NYAP2: variants seen among roughly 807,000 people sequenced by gnomAD.
NYAP2 encodes neuronal tyrosine-phosphorylated phosphoinositide-3-kinase adaptor 2.
In NYAP2, 23 loss-of-function variants were observed where a neutral mutation model predicts 50.4. That is an observed-to-expected ratio of 0.46 (90% CI 0.33 to 0.65). The LOEUF is 0.65. NYAP2 is among the 30% of genes least tolerant of loss of function. NYAP2 has a pLI of 0.02. For missense variants in NYAP2, 885 were observed against 861.0 expected, an observed-to-expected ratio of 1.03 and a Z score of -0.35; for synonymous variants, 394 against 365.2, an observed-to-expected ratio of 1.08 and a Z score of -0.90.
At chr2:225,622,397 C>T (rs774319921) in intron 5 of NYAP2, among the ~76,000 whole-genome samples, 2 of 152,156 alleles carry the variant, frequency 1.3e-5, no homozygotes, top group Non-Finnish European at 2.9e-5. Flanking sequence ...TCCAAATGCC[C>T]TCTTCCTGCC....
In NYAP2 at chr2:225,599,297, A is replaced by G. The variant is rs116370088; in HGVS notation, c.1618+16262A>G. Among the ~76,000 whole-genome samples, 1,016 of 152,340 alleles carry G rather than the reference A, an allele frequency of 6.7e-3. 15 individuals carry two copies. The highest frequency in any genetic ancestry group is 0.023 in the African/African-American group (965 of 41,580). ...CCTAAAAAGCACTCACTTGCATTCAAATATATTCCATGAAAAAAATTATAT... is the reference window on the plus strand; with the variant it reads ...CCTAAAAAGCACTCACTTGCATTCAGATATATTCCATGAAAAAAATTATAT... On this transcript the variant is annotated intron_variant, in intron 5 of 6. Coordinates refer to ENST00000636099, the Ensembl canonical transcript of NYAP2.
intron 4 of NYAP2, among the ~76,000 whole-genome samples, chr2:225,519,462 C>G (rs561800462): frequency 2.6e-3 from 378 of 142,738 alleles, no homozygotes; most frequent in Middle Eastern, 0.014. Context: ...TGATGTTCCC[C>G]TTCCTGTGTC....
intron 3 of NYAP2, among the ~76,000 whole-genome samples, chr2:225,487,931 G>C (rs1461303802): frequency 6.6e-6 from 1 of 152,180 alleles, no homozygotes. Flanking sequence ...TGGCACATCT[G>C]TTTATGGCAT....
intron 4 of NYAP2, 149 bp from the exon 5 acceptor site, chr2:225,581,790 CTT>C (rs1396884594): frequency 2.8e-6 from 2 of 716,980 alleles, no homozygotes; most frequent in Admixed American, 2.8e-5. Context: ...ATGCTTGACT[CTT>C]TGGTTGATTT....
intron 3 of NYAP2, among the ~76,000 whole-genome samples, chr2:225,489,926 G>A (rs931058574): frequency 6.6e-6 from 1 of 152,190 alleles, no homozygotes; most frequent in Non-Finnish European, 1.5e-5. Flanking sequence ...TTTGAGAACT[G>A]CTGAGTTACA....
chr2:225,412,565 A>G (rs980742777), intron 3 of NYAP2, among the ~76,000 whole-genome samples: 1 of 152,020 alleles, frequency 6.6e-6, no homozygotes, highest in Non-Finnish European at 1.5e-5. Context: ...CTGGTTCTCT[A>G]AAGTCAATAC....
intron 5 of NYAP2, among the ~76,000 whole-genome samples, chr2:225,615,471 T>A (rs1176099377): frequency 2.0e-5 from 3 of 152,190 alleles, no homozygotes; most frequent in African/African-American, 4.8e-5. Flanking sequence ...GGATATTTGG[T>A]GGAGAGCTTT....
intron 2 of NYAP2, among the ~76,000 whole-genome samples, chr2:225,408,594 A>G (rs374312164): frequency 2.0e-4 from 31 of 152,214 alleles, no homozygotes; most frequent in African/African-American, 7.2e-4. Flanking sequence ...TTAACTTTGC[A>G]TACAGTATTT....
intron 4 of NYAP2, among the ~76,000 whole-genome samples, chr2:225,580,010 A>C (rs1692244322): frequency 6.6e-6 from 1 of 152,224 alleles, no homozygotes; most frequent in African/African-American, 2.4e-5. Flanking sequence ...CTCTCTCTTC[A>C]GTCCTCTGCC....
chr2:225,595,476 CA>C (rs1473689062), intron 5 of NYAP2, among the ~76,000 whole-genome samples: 1 of 152,188 alleles, frequency 6.6e-6, no homozygotes, highest in African/African-American at 2.4e-5. Flanking sequence ...TCTATATCTA[CA>C]AACAACTTTC....
chr2:225,537,100 T>A (rs765779617), intron 4 of NYAP2, among the ~76,000 whole-genome samples: 10 of 152,066 alleles, frequency 6.6e-5, no homozygotes, highest in Non-Finnish European at 1.5e-4. Context: ...TCTAACTGTA[T>A]TTTTGTACCC....
At chr2:225,442,801 C>T (rs577779672) in intron 3 of NYAP2, among the ~76,000 whole-genome samples, 1 of 152,280 alleles carries the variant, frequency 6.6e-6, no homozygotes, top group East Asian at 1.9e-4. Context: ...GTCTCGAACT[C>T]CTGATCTCAG....
chr2:225,641,230 A>C (rs1006590658), intron 6 of NYAP2, among the ~76,000 whole-genome samples: 5 of 152,158 alleles, frequency 3.3e-5, no homozygotes, highest in Non-Finnish European at 4.4e-5. Context: ...CTGCACCAAC[A>C]GTGTTCACGA....
intron 3 of NYAP2, among the ~76,000 whole-genome samples, chr2:225,475,720 G>C (rs1690092466): frequency 6.6e-6 from 1 of 152,088 alleles, no homozygotes; most frequent in Admixed American, 6.5e-5. Flanking sequence ...TCAATATTTT[G>C]TTTATAATTC....
intron 3 of NYAP2, among the ~76,000 whole-genome samples, chr2:225,428,131 G>A (rs759511386): frequency 1.3e-5 from 2 of 152,150 alleles, no homozygotes; most frequent in African/African-American, 4.8e-5. Context: ...GAGAGAGTAG[G>A]TCCCTGGGCT....
chr2:225,638,966 T>G (rs1409348250), intron 6 of NYAP2, among the ~76,000 whole-genome samples: 1 of 152,114 alleles, frequency 6.6e-6, no homozygotes, highest in African/African-American at 2.4e-5. Flanking sequence ...ATAATATTCA[T>G]AGTTTTGATT....
At chr2:225,533,073 T>C (rs139283439) in intron 4 of NYAP2, among the ~76,000 whole-genome samples, 86 of 152,300 alleles carry the variant, frequency 5.6e-4, no homozygotes, top group African/African-American at 2.0e-3. Flanking sequence ...TTTGTGAGCA[T>C]AGATCAAGGG....
intron 6 of NYAP2, among the ~76,000 whole-genome samples, chr2:225,639,736 C>A (rs1454969541): frequency 6.6e-6 from 1 of 152,080 alleles, no homozygotes; most frequent in Non-Finnish European, 1.5e-5. Flanking sequence ...TGAGTACATG[C>A]CAGTGAGGGA....
chr2:225,449,601 C>CTTTTTTTTTTTTTTTTTTTTTTTT (rs201552006), intron 3 of NYAP2, among the ~76,000 whole-genome samples: 2 of 96,312 alleles, frequency 2.1e-5, no homozygotes, highest in African/African-American at 8.8e-5. Context: ...CTCTCTTTCT[C>CTTTTTTTTTTTTTTTTTTTTTTTT]TTTTTTTTTT....
Sources: allele counts gnomAD v4.1 joint callset (sites outside exome capture counted in the v4.1 genomes callset), GRCh38; gene constraint gnomAD v4.1.1; transcripts MANE v1.5; gene names NCBI Gene and HGNC (gene_info 2026-07-23, HGNC 2026-07-21).